Variants in DEF8 observed in about 807,000 individuals in gnomAD.
DEF8 encodes the protein DEF-8.
A neutral mutation model predicts 59.1 loss-of-function variants in DEF8; 38 were observed. That is an observed-to-expected ratio of 0.64 (90% confidence interval 0.50 to 0.84). The LOEUF (loss-of-function observed/expected upper bound fraction) is 0.84. DEF8 is among the 40% of genes least tolerant of loss of function. The pLI is 0.00. For missense variants in DEF8, 557 were observed against 615.2 expected, an observed-to-expected ratio of 0.91 and a Z score of 1.00; for synonymous variants, 265 against 250.1, an observed-to-expected ratio of 1.06 and a Z score of -0.56.
intron 12 of DEF8, 52 bp downstream of exon 12, chr16:89,964,627 C>T (rs2034448665): frequency 7.1e-7 from 1 of 1,415,632 alleles, no homozygotes; most frequent in African/African-American, 1.4e-5. Flanking sequence ...GCGCTGTCCT[C>T]TGGGGAGCTG....
At chr16:89,962,403 A>G (rs1321403849) in intron 9 of DEF8, among the ~76,000 whole-genome samples, 1 of 152,244 alleles carries the variant, frequency 6.6e-6, no homozygotes, top group Non-Finnish European at 1.5e-5. Context: ...TCACACCTGT[A>G]ATCCCAGCAC....
At chr16:89,958,848 A>G (rs2033637077) in intron 5 of DEF8, among the ~76,000 whole-genome samples, 166 bp from the exon 6 acceptor site, 1 of 152,196 alleles carries the variant, frequency 6.6e-6, no homozygotes, top group Non-Finnish European at 1.5e-5. Flanking sequence ...TGTCCAGCTG[A>G]TCATTGTTTA....
chr16:89,963,016 G>T (rs1472759672), intron 9 of DEF8, among the ~76,000 whole-genome samples: 4 of 152,280 alleles, frequency 2.6e-5, no homozygotes, highest in African/African-American at 9.6e-5. Flanking sequence ...CCCGGGAGGA[G>T]ACTGTGGCAG....
chr16:89,951,260 C>A, intron 2 of DEF8, among the ~76,000 whole-genome samples: 1 of 146,110 alleles, frequency 6.8e-6, no homozygotes, highest in East Asian at 2.0e-4. Context: ...AGAATCTTTT[C>A]TTTTTTTTTT....
At chr16:89,949,292 A>C (rs1190987201) in intron 1 of DEF8, 125 bp from the exon 2 acceptor site, 13 of 785,348 alleles carry the variant, frequency 1.7e-5, no homozygotes, top group African/African-American at 1.6e-4. Flanking sequence ...TCCGAGCCTC[A>C]GTTTCCCCCT....
At chr16:89,958,358 C>G (rs1035987938) in intron 5 of DEF8, 1 of 154,480 alleles carries the variant, frequency 6.5e-6, no homozygotes, top group African/African-American at 2.4e-5. Flanking sequence ...GCCACATGGA[C>G]AAGGACGGGT....
rs2034390807 is a variant in DEF8 at position 89,964,204 on chromosome 16, A to T, written c.1037A>T (p.Glu346Val). ...CGGCAGCATTTTGTGGAGAACGACG[A>T]GATGTACTCTGTCCAGGACCTCCTG... is the stretch of plus-strand genomic sequence containing the variant. ...QDRQHFVENDEMYSVQDLLDV... is the reference protein window; with the variant it reads ...QDRQHFVENDVMYSVQDLLDV... Residue 346 changes from glutamate to valine, a missense_variant, in exon 11 of 13, where the codon GAG becomes GTG. Physicochemically the swap from Glu to Val is moderately radical, Grantham distance 121 (BLOSUM62 -2). Transcript: ENST00000563594. 1 of 1,613,560 alleles carries T rather than the reference A, an allele frequency of 6.2e-7. No individual in the cohort carries two copies. Among genetic ancestry groups the T allele is most frequent in the Non-Finnish European group, 8.5e-7 (1 of 1,179,872 alleles).
chr16:89,954,434 A>T lies in DEF8; in HGVS notation c.124+58A>T. 1 of 1,569,826 alleles carries T rather than the reference A, an allele frequency of 6.4e-7. No homozygotes were observed. Among genetic ancestry groups the T allele is most frequent in the Non-Finnish European group, 8.7e-7 (1 of 1,155,442 alleles). On this transcript the variant is annotated intron_variant, in intron 3 of 12. Coordinates refer to ENST00000563594, the MANE Select transcript of DEF8 (RefSeq NM_001242818.2). The surrounding 1 kb of genome is among the most constrained non-coding windows in gnomAD (Gnocchi z 4.3). ...GGCAGGTCTCTGACTGCTTACGTGG[A>T]CCCCTCCTTTCTTCCTGCCGCGTCC...
In DEF8 at chr16:89,967,408, G is replaced by C. The variant is rs142363718; in HGVS notation, c.*1445G>C. 243 of 398,648 alleles carry C rather than the reference G, an allele frequency of 6.1e-4. 2 individuals carry two copies. The highest frequency in any genetic ancestry group is 4.6e-3 in the African/African-American group (223 of 48,754). The allele number at this position is 398,648 out of a possible 1,614,324, so 24.7% of individuals were successfully genotyped here. ...TCTTTGTCCTCCGGCATCAGGAAGG[G>C]GATGGTGTCCACTCCCCACTGTGGT... On this transcript the variant is annotated 3_prime_UTR_variant, in exon 13 of 13. Transcript: ENST00000563594.
At chr16:89,959,292 A>G in intron 6 of DEF8, 137 bp downstream of exon 6, 1 of 1,513,522 alleles carries the variant, frequency 6.6e-7, no homozygotes, top group East Asian at 2.5e-5. Context: ...AAATTAACTA[A>G]ATATGCATTT....
rs1460345013 is a variant in DEF8, at chr16:89,957,505, G to T, written c.223-6G>T. On this transcript the variant is annotated splice_region_variant and splice_polypyrimidine_tract_variant and intron_variant, in intron 4 of 12. Transcript: ENST00000563594. ...CTTTGACTGCCCCCGCCCCCAACCT[G>T]GGCAGGGTCTGTTCCTGGCCTCTGA... 2 of 1,579,008 alleles carry T rather than the reference G, an allele frequency of 1.3e-6. No individual in the cohort carries two copies. The highest frequency in any genetic ancestry group is 1.7e-6 in the Non-Finnish European group (2 of 1,162,800).
At chr16:89,964,331 C>T (rs539685612) in intron 11 of DEF8, 21 bp downstream of exon 11, 46 of 1,567,200 alleles carry the variant, frequency 2.9e-5, no homozygotes, top group African/African-American at 5.4e-5. Context: ...GCCCGAGGGC[C>T]GCTCTTCTCC....
intron 12 of DEF8, 86 bp downstream of exon 12, chr16:89,964,661 T>C: frequency 9.9e-7 from 1 of 1,009,966 alleles, no homozygotes; most frequent in Non-Finnish European, 1.5e-6. Context: ...GGTAGGATGA[T>C]GCCGTGGGAG....
At chr16:89,953,684 C>T (rs2032613099) in intron 2 of DEF8, among the ~76,000 whole-genome samples, 1 of 152,174 alleles carries the variant, frequency 6.6e-6, no homozygotes, top group African/African-American at 2.4e-5. Flanking sequence ...TCACCTGTGG[C>T]AGAGCAGGAA....
intron 4 of DEF8, 158 bp from the exon 5 acceptor site, chr16:89,957,353 T>C: frequency 1.3e-6 from 1 of 758,460 alleles, no homozygotes; most frequent in Middle Eastern, 3.9e-4. Context: ...CTGCCACCTT[T>C]CCTGCCCTGG....
At position 89,962,611 on chromosome 16, in the gene DEF8, G is replaced by A. The variant is rs567100133; in HGVS notation, c.921+486G>A. 6.6e-5 allele frequency among the ~76,000 whole-genome samples: 10 copies of A among 152,232 alleles called. No homozygotes were observed. The South Asian group carries it at 2.1e-3, about 32-fold the overall frequency. On this transcript the variant is annotated intron_variant, in intron 9 of 12. Coordinates refer to ENST00000563594, the MANE Select transcript of DEF8 (RefSeq NM_001242818.2). ...GCTGAGGTTGCTGTGAGCCGAGATC[G>A]CGTCACTGCACTCCAGCCTGGGCAA... is the stretch of plus-strand genomic sequence containing the variant.
At chr16:89,957,750 C>G in intron 5 of DEF8, 90 bp downstream of exon 5, 4 of 1,414,462 alleles carry the variant, frequency 2.8e-6, no homozygotes, top group East Asian at 2.5e-5. Context: ...CTGGCTCTCT[C>G]TCAGGCGGTG....
At chr16:89,959,327 C>A in intron 6 of DEF8, 172 bp downstream of exon 6, 1 of 1,452,342 alleles carries the variant, frequency 6.9e-7, no homozygotes, top group South Asian at 1.4e-5. Context: ...CTACATTGGA[C>A]AGGGCTGTTC....
chr16:89,956,142 C>T (rs1247684337), intron 4 of DEF8, among the ~76,000 whole-genome samples: 1 of 150,904 alleles, frequency 6.6e-6, no homozygotes, highest in East Asian at 2.0e-4. Flanking sequence ...GGAAACATTA[C>T]GGCAACATTC....
Sources: gnomAD v4.1 joint callset for allele counts (sites outside exome capture counted in the v4.1 genomes callset) on GRCh38, gnomAD v4.1.1 for gene constraint, Gnocchi (gnomAD v3.1) non-coding constraint, MANE v1.5 for transcripts, NCBI Gene and HGNC (gene_info 2026-07-23, HGNC 2026-07-21) for gene names.